Variants in AGBL3 observed in about 807,000 individuals in gnomAD.
AGBL3 encodes the protein cytosolic carboxypeptidase 3.
Under a neutral mutation model 94.5 loss-of-function variants are expected in AGBL3, and 68 were observed. The observed-to-expected ratio is 0.72, with a 90% CI of 0.59 to 0.88. The LOEUF (loss-of-function observed/expected upper bound fraction) is 0.88, where lower values mean the gene tolerates loss of function less well. AGBL3 is among the 40% of genes least tolerant of loss of function. AGBL3 has a pLI of 0.00. For missense variants in AGBL3, 934 were observed against 1,103.8 expected, an observed-to-expected ratio of 0.85 and a Z score of 2.18; for synonymous variants, 354 against 370.7, an observed-to-expected ratio of 0.95 and a Z score of 0.52.
chr7:135,077,852 T>C (rs936917595), intron 13 of AGBL3, among the ~76,000 whole-genome samples: 3 of 152,260 alleles, frequency 2.0e-5, no homozygotes, highest in African/African-American at 4.8e-5. Context: ...GTCTCAGGTG[T>C]TTCCTATCTG....
chr7:135,125,297 G>A lies in AGBL3; in HGVS notation c.2343-9544G>A, dbSNP rs190310293. Among the ~76,000 whole-genome samples, 561 of 152,226 alleles carry A rather than the reference G, an allele frequency of 3.7e-3. 8 individuals are homozygous for A. The highest frequency in any genetic ancestry group is 0.023 in the South Asian group (109 of 4,828). On this transcript the variant is annotated intron_variant, in intron 16 of 16. Transcript: ENST00000436302. ...TGCAAATAAACTAGAAAATCTAGAAGAAATGGAGAAATTCCTGGACACACA... is the reference window on the plus strand; with the variant it reads ...TGCAAATAAACTAGAAAATCTAGAAAAAATGGAGAAATTCCTGGACACACA...
At chr7:135,049,485 G>A (rs949275069) in intron 11 of AGBL3, among the ~76,000 whole-genome samples, 3 of 151,892 alleles carry the variant, frequency 2.0e-5, no homozygotes, top group African/African-American at 7.2e-5. Flanking sequence ...GTTTAAGAAG[G>A]ATTGGCATTA....
chr7:135,093,559 A>C (rs1822185888), intron 15 of AGBL3: 1 of 152,224 alleles, frequency 6.6e-6, no homozygotes, highest in Non-Finnish European at 1.5e-5. Flanking sequence ...CAAAAGAAGT[A>C]CAAGACTTAT....
At chr7:135,023,909 C>A (rs1814791340) in intron 5 of AGBL3, among the ~76,000 whole-genome samples, 1 of 152,228 alleles carries the variant, frequency 6.6e-6, no homozygotes, top group Non-Finnish European at 1.5e-5. Flanking sequence ...CCCAGCACAC[C>A]CAGTGCTCAA....
chr7:135,042,195 A>G (rs974484948), intron 8 of AGBL3, among the ~76,000 whole-genome samples: 1 of 152,228 alleles, frequency 6.6e-6, no homozygotes, highest in East Asian at 1.9e-4. Flanking sequence ...ATGAAAAGGT[A>G]CATTCATATA....
At chr7:135,081,187 T>C (rs540529789) in intron 14 of AGBL3, among the ~76,000 whole-genome samples, 1 of 152,108 alleles carries the variant, frequency 6.6e-6, no homozygotes, top group Non-Finnish European at 1.5e-5. Flanking sequence ...AAATTAAAAA[T>C]AAAGATAAGC....
intron 15 of AGBL3, among the ~76,000 whole-genome samples, chr7:135,084,068 A>C (rs370992473): frequency 1.3e-5 from 2 of 152,058 alleles, no homozygotes; most frequent in African/African-American, 4.8e-5. Flanking sequence ...ATTTTCTTTC[A>C]ATAATGGTCT....
chr7:135,068,077 T>C (rs935321372), intron 12 of AGBL3, among the ~76,000 whole-genome samples: 1 of 152,150 alleles, frequency 6.6e-6, no homozygotes, highest in African/African-American at 2.4e-5. Context: ...GCACAAGAAC[T>C]ACGTGATGAA....
At chr7:135,129,204 T>C (rs574244396) in intron 16 of AGBL3, 2 of 1,426,384 alleles carry the variant, frequency 1.4e-6, no homozygotes, top group Non-Finnish European at 9.9e-7. Context: ...CCCCCACGCA[T>C]GCTGCCAGCT....
chr7:135,018,275 T>C (rs867420705), intron 5 of AGBL3, among the ~76,000 whole-genome samples: 2 of 152,114 alleles, frequency 1.3e-5, no homozygotes, highest in South Asian at 2.1e-4. Flanking sequence ...AGTAAAGAAA[T>C]AGACAACTGC....
intron 15 of AGBL3, among the ~76,000 whole-genome samples, chr7:135,103,157 T>C (rs566275045): frequency 8.5e-5 from 13 of 152,144 alleles, no homozygotes; most frequent in Non-Finnish European, 4.4e-5. Flanking sequence ...AGGAATCATT[T>C]CTCTTTCTTT....
At chr7:135,123,735 T>C (rs187980333) in intron 16 of AGBL3, among the ~76,000 whole-genome samples, 12 of 152,244 alleles carry the variant, frequency 7.9e-5, no homozygotes, top group Admixed American at 5.2e-4. Flanking sequence ...TGGGAGTCAA[T>C]ATTCAACATT....
At chr7:135,100,602 T>C (rs368402218) in intron 15 of AGBL3, among the ~76,000 whole-genome samples, 2 of 152,220 alleles carry the variant, frequency 1.3e-5, no homozygotes, top group African/African-American at 4.8e-5. Flanking sequence ...TGATGAAAGA[T>C]GTAGACTCTC....
intron 16 of AGBL3, among the ~76,000 whole-genome samples, chr7:135,130,891 G>A (rs1318607782): frequency 3.3e-5 from 5 of 152,006 alleles, no homozygotes; most frequent in Admixed American, 6.6e-5. Context: ...ATTGTCTTTC[G>A]TTATCGTTGG....
chr7:135,082,132 G>A (rs1484742792), intron 15 of AGBL3, among the ~76,000 whole-genome samples: 1 of 152,106 alleles, frequency 6.6e-6, no homozygotes, highest in Non-Finnish European at 1.5e-5. Context: ...CATTGCTAAA[G>A]AGCTGTAGCA....
intron 10 of AGBL3, 85 bp downstream of exon 10, chr7:135,045,659 T>C: frequency 7.3e-7 from 1 of 1,378,838 alleles, no homozygotes; most frequent in South Asian, 1.3e-5. Context: ...GTGTTTGCCT[T>C]TTAATGTCCC....
intron 5 of AGBL3, among the ~76,000 whole-genome samples, chr7:135,023,362 G>C (rs1814724517): frequency 6.6e-6 from 1 of 152,126 alleles, no homozygotes; most frequent in Non-Finnish European, 1.5e-5. Flanking sequence ...TAGGAACCCT[G>C]CATGGGGTTG....
chr7:135,084,851 T>C (rs1001238714), intron 15 of AGBL3, among the ~76,000 whole-genome samples: 7 of 152,148 alleles, frequency 4.6e-5, no homozygotes, highest in Non-Finnish European at 1.0e-4. Context: ...TCCTTTTGGA[T>C]ATATACCCAG....
intron 11 of AGBL3, among the ~76,000 whole-genome samples, chr7:135,051,893 AT>A (rs1000443482): frequency 2.0e-5 from 3 of 152,108 alleles, no homozygotes; most frequent in African/African-American, 7.2e-5. Flanking sequence ...AGTATAAAGT[AT>A]TTTTTAAAAG....
Sources: gnomAD v4.1 joint callset for allele counts (sites outside exome capture counted in the v4.1 genomes callset) on GRCh38, gnomAD v4.1.1 for gene constraint, MANE v1.5 for transcripts, NCBI Gene and HGNC (gene_info 2026-07-23, HGNC 2026-07-21) for gene names.